The following SLC14A2 variants were observed in gnomAD, a reference collection of about 807,000 sequenced individuals.
SLC14A2 encodes urea transporter 2.
Under a neutral mutation model 104.6 loss-of-function variants are expected in SLC14A2, and 91 were observed. The ratio of observed to expected loss-of-function variants is 0.87; its 90% CI spans 0.73 to 1.04. SLC14A2 has a LOEUF of 1.04. Ranked by LOEUF, SLC14A2 falls within the 50% of genes least tolerant of loss-of-function variation. SLC14A2 has a pLI of 0.00. For missense variants in SLC14A2, 1,189 were observed against 1,156.0 expected (o/e 1.03, Z -0.41); for synonymous variants, 476 against 466.4 (o/e 1.02, Z -0.27).
chr18:45,659,961 C>A (rs930707669), intron 10 of SLC14A2, among the ~76,000 whole-genome samples: 2,440 of 103,236 alleles, frequency 0.024, no homozygotes, highest in Non-Finnish European at 0.026. Flanking sequence ...ACTGGCTCTA[C>A]AAAAAAAAAA....
chr18:45,289,891 TGGC>T, intron 1 of SLC14A2, among the ~76,000 whole-genome samples: 1 of 152,172 alleles, frequency 6.6e-6, no homozygotes, highest in Non-Finnish European at 1.5e-5. Context: ...GATCACTCAG[TGGC>T]CTGATAGATG....
intron 2 of SLC14A2, among the ~76,000 whole-genome samples, chr18:45,551,692 G>C (rs1185947641): frequency 6.6e-6 from 1 of 152,220 alleles, no homozygotes; most frequent in Non-Finnish European, 1.5e-5. Flanking sequence ...GCTGTGGGAG[G>C]GAAGGTTGGC....
chr18:45,577,463 A>G (rs536433889), intron 2 of SLC14A2, among the ~76,000 whole-genome samples: 1 of 152,322 alleles, frequency 6.6e-6, no homozygotes, highest in South Asian at 2.1e-4. Context: ...AGCATCACAT[A>G]ATTTGTGAAT....
chr18:45,564,784 C>G (rs1400443180), intron 2 of SLC14A2, among the ~76,000 whole-genome samples: 1 of 152,058 alleles, frequency 6.6e-6, no homozygotes, highest in Non-Finnish European at 1.5e-5. Flanking sequence ...ACAGGAAATT[C>G]ACTTGTGCAC....
intron 1 of SLC14A2, among the ~76,000 whole-genome samples, chr18:45,342,699 A>C (rs2085408075): frequency 6.6e-6 from 1 of 152,224 alleles, no homozygotes; most frequent in Admixed American, 6.5e-5. Context: ...AAATTCAACT[A>C]TTCAAGACAT....
At chr18:45,171,765 G>A in the SLC14A2 span, among the ~76,000 whole-genome samples, 1 of 152,086 alleles carries the variant, frequency 6.6e-6, no homozygotes, top group African/African-American at 2.4e-5. Context: ...ATAACAGTAG[G>A]CCAAACCAAC....
chr18:45,486,035 T>C (rs986261575), intron 2 of SLC14A2, among the ~76,000 whole-genome samples: 3 of 152,196 alleles, frequency 2.0e-5, no homozygotes, highest in Admixed American at 2.0e-4. Flanking sequence ...AGGGAAATAC[T>C]GAGAACTTGA....
intron 1 of SLC14A2, among the ~76,000 whole-genome samples, chr18:45,341,278 G>A (rs971042758): frequency 6.6e-6 from 1 of 152,016 alleles, no homozygotes; most frequent in African/African-American, 2.4e-5. Context: ...CCTTATAATC[G>A]ATGGAGGATA....
chr18:45,639,761 C>T lies in SLC14A2; in HGVS notation c.859C>T (p.Pro287Ser), dbSNP rs1310702591. The T allele has an allele frequency of 6.2e-7, 1 of 1,613,924 alleles. No homozygotes were observed. Among genetic ancestry groups the T allele is most frequent in the African/African-American group, 1.3e-5 (1 of 75,056 alleles). Reference sequence around the variant, plus strand: ...AACTTTGCAGCTGTTACAAGCCATCCCTGTTGGGGTCGGCCAGGTGTATGG... The same window carrying T: ...AACTTTGCAGCTGTTACAAGCCATCTCTGTTGGGGTCGGCCAGGTGTATGG... ...MEMPLLLQAI[P>S]VGVGQVYGCD... Residue 287 changes from proline (P) to serine (S), a missense_variant, in exon 7 of 20, where the codon CCT (proline) becomes TCT (serine). Transcript: ENST00000255226.
At chr18:45,611,416 C>T (rs993896039), upstream of SLC14A2, among the ~76,000 whole-genome samples, 5 of 152,148 alleles carry the variant, frequency 3.3e-5, no homozygotes, top group African/African-American at 9.7e-5. Flanking sequence ...AAAGGACATG[C>T]CACACTGAGC....
chr18:45,365,627 C>T (rs559308284), intron 1 of SLC14A2, among the ~76,000 whole-genome samples: 2 of 152,158 alleles, frequency 1.3e-5, no homozygotes, highest in African/African-American at 4.8e-5. Context: ...TGCCCAGCAT[C>T]GCAGAGGTTC....
chr18:45,306,199 T>A (rs1278026304), intron 1 of SLC14A2, among the ~76,000 whole-genome samples: 2 of 152,156 alleles, frequency 1.3e-5, no homozygotes, highest in Non-Finnish European at 2.9e-5. Context: ...TGAGAGGGAA[T>A]GTTGGGCCAC....
chr18:45,194,392 A>G, the SLC14A2 span, among the ~76,000 whole-genome samples: 1 of 152,158 alleles, frequency 6.6e-6, no homozygotes, highest in Non-Finnish European at 1.5e-5. Context: ...TATGACAGTT[A>G]TCGGAAATAG....
Position 45,498,185 on chromosome 18 carries a change from T to G in SLC14A2, c.-35+14863T>G, listed in dbSNP as rs552586565. On this transcript the variant is annotated intron_variant, in intron 2 of 20. Coordinates refer to the SLC14A2 transcript ENST00000586448. ...ACTATAATGCAATATATCTGTACATTGTGTAGTGCAAGTTTTTAAAAAAGA... is the reference window on the plus strand; with the variant it reads ...ACTATAATGCAATATATCTGTACATGGTGTAGTGCAAGTTTTTAAAAAAGA... Among the ~76,000 whole-genome samples the G allele has an allele frequency of 3.3e-5, 5 of 152,340 alleles. No homozygotes were observed. In the South Asian group the frequency reaches 8.3e-4, roughly 25 times the overall value.
intron 2 of SLC14A2, among the ~76,000 whole-genome samples, chr18:45,505,642 T>G (rs1440153279): frequency 1.3e-5 from 2 of 152,154 alleles, no homozygotes; most frequent in Non-Finnish European, 2.9e-5. Context: ...GCAAACAGAT[T>G]TCCATATGTG....
intron 2 of SLC14A2, among the ~76,000 whole-genome samples, chr18:45,581,603 A>G (rs1158520115): frequency 1.3e-5 from 2 of 152,214 alleles, no homozygotes; most frequent in African/African-American, 4.8e-5. Context: ...CACCCAAGGT[A>G]AGTGGTGTAT....
intron 1 of SLC14A2, among the ~76,000 whole-genome samples, chr18:45,315,809 T>C (rs1358368657): frequency 6.6e-6 from 1 of 152,130 alleles, no homozygotes; most frequent in Non-Finnish European, 1.5e-5. Context: ...TGGTTTTCCC[T>C]AGAAGGAAAT....
At chr18:45,398,600 A>C (rs79768334) in intron 1 of SLC14A2, among the ~76,000 whole-genome samples, 10 of 152,162 alleles carry the variant, frequency 6.6e-5, no homozygotes, top group African/African-American at 2.4e-4. Flanking sequence ...TACATATAAT[A>C]AAATAGTATT....
intron 2 of SLC14A2, among the ~76,000 whole-genome samples, chr18:45,503,833 T>C (rs1313081230): frequency 1.3e-4 from 1 of 7,604 alleles, no homozygotes; most frequent in African/African-American, 1.8e-4. Flanking sequence ...CCCTGAATTA[T>C]CAAAGATACC....
Sources: allele counts gnomAD v4.1 joint callset (sites outside exome capture counted in the v4.1 genomes callset), GRCh38; gene constraint gnomAD v4.1.1; transcripts MANE v1.5; gene names NCBI Gene and HGNC (gene_info 2026-07-23, HGNC 2026-07-21).